ZNF26: variants seen among roughly 807,000 people sequenced by gnomAD.
The protein encoded by ZNF26 is epididymis luminal protein 179.
A neutral mutation model predicts 54.9 loss-of-function variants in ZNF26; 32 were observed. The observed-to-expected ratio is 0.58, with a 90% CI of 0.44 to 0.78. The LOEUF (loss-of-function observed/expected upper bound fraction) is 0.78. ZNF26 is among the 30% of genes least tolerant of loss of function. The probability of loss-of-function intolerance (pLI) is 0.00; values close to 1 mark genes in which losing one functional copy is unlikely to be tolerated. For missense variants in ZNF26, 524 were observed against 634.0 expected, an observed-to-expected ratio of 0.83 and a Z score of 1.86; for synonymous variants, 221 against 209.2, an observed-to-expected ratio of 1.06 and a Z score of -0.49.
chr12:132,997,746 T>C (rs1424703053), intron 1 of ZNF26, among the ~76,000 whole-genome samples: 2 of 152,180 alleles, frequency 1.3e-5, no homozygotes, highest in African/African-American at 2.4e-5. Flanking sequence ...CAATGAGAGA[T>C]ACATAACAAT....
In ZNF26 at chr12:133,010,953, T is replaced by C; in HGVS notation, c.1074T>C (p.Ile358=). 2 of 1,614,158 alleles carry C rather than the reference T, an allele frequency of 1.2e-6. No homozygotes were observed. Among genetic ancestry groups the C allele is most frequent in the East Asian group, 2.2e-5 (1 of 44,882 alleles). Residue 358 remains isoleucine (I), a synonymous_variant, in exon 4 of 4, where the codon ATT becomes ATC. Coordinates refer to ENST00000328654, the MANE Select transcript of ZNF26 (RefSeq NM_019591.4). Reference sequence around the variant, plus strand: ...CCTTCAATATGAAGACACAACTCATTGTACATCAGGGAGTTCACACAGGAA... The same window carrying C: ...CCTTCAATATGAAGACACAACTCATCGTACATCAGGGAGTTCACACAGGAA... ...GKAFNMKTQL[I]VHQGVHTGNN...
In ZNF26 at chr12:133,010,352, A is replaced by T; in HGVS notation, c.473A>T (p.Glu158Val). ...KNPDKFHGYE[E>V]PYFLKHQRAH... ...CCTGATAAGTTTCATGGTTATGAAG[A>T]ACCATATTTTCTTAAGCATCAAAGA... Residue 158 changes from glutamate to valine, a missense_variant, in exon 4 of 4, where the codon GAA becomes GTA. Coordinates refer to ENST00000328654, the MANE Select transcript of ZNF26 (RefSeq NM_019591.4). 6.2e-7 allele frequency: 1 copy of T among 1,613,888 alleles called. No individual in the cohort carries two copies. Among genetic ancestry groups the T allele is most frequent in the Non-Finnish European group, 8.5e-7 (1 of 1,179,954 alleles).
chr12:132,990,848 C>T (rs1485675816), intron 1 of ZNF26, among the ~76,000 whole-genome samples: 1 of 151,922 alleles, frequency 6.6e-6, no homozygotes, highest in Non-Finnish European at 1.5e-5. Flanking sequence ...TATGATGTTC[C>T]TTTATTGTCC....
At chr12:132,992,292 G>A (rs1200383321) in intron 1 of ZNF26, among the ~76,000 whole-genome samples, 8 of 150,514 alleles carry the variant, frequency 5.3e-5, no homozygotes, top group African/African-American at 1.9e-4. Flanking sequence ...ATTTTGCAGG[G>A]TACAGAATTC....
intron 1 of ZNF26, among the ~76,000 whole-genome samples, chr12:132,999,251 T>G (rs1160782362): frequency 5.3e-5 from 8 of 152,322 alleles, no homozygotes; most frequent in South Asian, 2.1e-4. Flanking sequence ...CTCTTAGTTT[T>G]TTTGTTTGTT....
chr12:132,996,918 TTTTC>T (rs1953097830), intron 1 of ZNF26, among the ~76,000 whole-genome samples: 3 of 152,140 alleles, frequency 2.0e-5, no homozygotes, highest in Non-Finnish European at 2.9e-5. Flanking sequence ...TTTTGTTTTG[TTTTC>T]TTAGAAAGAA....
Position 133,011,353 on chromosome 12 carries a change from A to G in ZNF26, c.1474A>G (p.Thr492Ala). Residue 492 changes from threonine (T) to alanine (A), a missense_variant, in exon 4 of 4, where the codon ACT becomes GCT. Thr to Ala is a moderately conservative substitution (Grantham distance 58). Transcript: ENST00000328654. ...ATGCAGTGAATGTGGAAAAGCCTTCACTCAGAAGTCATCTCTCAGTGAACA... is the reference window on the plus strand; with the variant it reads ...ATGCAGTGAATGTGGAAAAGCCTTCGCTCAGAAGTCATCTCTCAGTGAACA... ...FKCSECGKAF[T>A]QKSSLSEHQR... 6.2e-7 allele frequency: 1 copy of G among 1,614,030 alleles called. No homozygotes were observed. The highest frequency in any genetic ancestry group is 1.7e-5 in the Admixed American group (1 of 60,014).
rs945852540 is a variant in ZNF26 at position 132,986,664 on chromosome 12, G to A, written c.-177G>A. 1.6e-6 allele frequency: 1 copy of A among 623,552 alleles called. No homozygotes were observed. The highest frequency in any genetic ancestry group is 2.8e-6 in the Non-Finnish European group (1 of 355,596). The allele number at this position is 623,552 out of a possible 1,614,324, so 38.6% of individuals were successfully genotyped here. A position where few individuals can be genotyped will look rare whatever the true frequency, so the allele number is the denominator to read the frequency against. ...ACCGGGAGGTTGTCTAGTCACGCGCGGTCTGTGTTGGGCGAGAGCTGAGGA... is the reference window on the plus strand; with the variant it reads ...ACCGGGAGGTTGTCTAGTCACGCGCAGTCTGTGTTGGGCGAGAGCTGAGGA... On this transcript the variant is annotated 5_prime_UTR_variant, in exon 1 of 4. Coordinates refer to ENST00000328654, the MANE Select transcript of ZNF26 (RefSeq NM_019591.4).
chr12:133,007,068 T>C lies in ZNF26; in HGVS notation c.60T>C (p.Ser20=). ...CWGLLSFKDI[S]MEFTWDEWQL... is the part of the protein sequence containing the mutation. ...GATTATTGTCATTCAAGGATATATC[T>C]ATGGAGTTCACCTGGGATGAATGGC... Residue 20 remains serine, a synonymous_variant, in exon 2 of 4, where the codon TCT becomes TCC. Transcript: ENST00000328654. The C allele has an allele frequency of 6.8e-6, 11 of 1,614,082 alleles. No homozygotes were observed. In the South Asian group the frequency reaches 1.1e-4, roughly 16 times the overall value.
chr12:132,994,863 C>T (rs1953041888), intron 1 of ZNF26, among the ~76,000 whole-genome samples: 1 of 152,144 alleles, frequency 6.6e-6, no homozygotes, highest in Non-Finnish European at 1.5e-5. Context: ...TGTGGAGGAA[C>T]GTCCTGTGCA....
chr12:133,008,789 A>AAAAAAAG (rs1953399473), intron 3 of ZNF26, among the ~76,000 whole-genome samples: 1 of 150,642 alleles, frequency 6.6e-6, no homozygotes, highest in African/African-American at 2.4e-5. Context: ...AAAAAAAAAA[A>AAAAAAAG]AAAAAAGAAA....
intron 1 of ZNF26, among the ~76,000 whole-genome samples, chr12:132,987,250 C>G (rs977079189): frequency 1.1e-4 from 16 of 152,234 alleles, no homozygotes; most frequent in Non-Finnish European, 2.2e-4. Flanking sequence ...ATGGAGTGTC[C>G]TTTTGTCTGC....
chr12:133,007,342 C>G, intron 2 of ZNF26, 95 bp from the exon 3 acceptor site: 1 of 1,323,890 alleles, frequency 7.6e-7, no homozygotes, highest in Middle Eastern at 1.9e-4. Flanking sequence ...TAATCTTTCC[C>G]CAAGTGAGAT....
chr12:132,996,078 G>A (rs975622666), intron 1 of ZNF26, among the ~76,000 whole-genome samples: 339 of 152,208 alleles, frequency 2.2e-3, no homozygotes, highest in African/African-American at 7.5e-3. Flanking sequence ...CTGTGTCTTC[G>A]GGTTTCTGGA....
At chr12:132,988,825 T>C (rs1952883730) in intron 1 of ZNF26, among the ~76,000 whole-genome samples, 1 of 152,156 alleles carries the variant, frequency 6.6e-6, no homozygotes, top group African/African-American at 2.4e-5. Context: ...TTTTCTCATA[T>C]AGATTTTATA....
intron 1 of ZNF26, among the ~76,000 whole-genome samples, chr12:132,990,365 A>C (rs967812880): frequency 9.9e-5 from 15 of 152,234 alleles, no homozygotes; most frequent in Non-Finnish European, 2.2e-4. Context: ...AACTGATTCA[A>C]GTATTGAACC....
chr12:132,994,153 C>T (rs1269133809), intron 1 of ZNF26, among the ~76,000 whole-genome samples: 1 of 152,180 alleles, frequency 6.6e-6, no homozygotes, highest in Non-Finnish European at 1.5e-5. Context: ...GACTGGGTCC[C>T]CCTGGACTTT....
intron 1 of ZNF26, chr12:133,006,191 C>T (rs1186430525): frequency 1.0e-6 from 1 of 984,884 alleles, no homozygotes; most frequent in African/African-American, 1.7e-5. Context: ...ACTGGGTTGC[C>T]CTGGAAGTGG....
At position 133,011,062 on chromosome 12, in the gene ZNF26, G is replaced by A. The variant is rs1178561357; in HGVS notation, c.1183G>A (p.Glu395Lys). 9 of 1,614,048 alleles carry A rather than the reference G, an allele frequency of 5.6e-6. No individual in the cohort carries two copies. In the Admixed American group the frequency reaches 1.5e-4, roughly 27 times the overall value. The change falls in exon 4 of 4, where the codon GAG becomes AAG. Residue 395 changes from glutamate (E) to lysine (K), a missense_variant. By Grantham distance (56) the Glu-to-Lys change is moderately conservative. Transcript: ENST00000328654. ...LTAHLRAHAG[E>K]KPYGCSECGK... is the part of the protein sequence containing the mutation. ...TGCACATCTGAGAGCTCATGCAGGA[G>A]AGAAGCCCTATGGATGCAGTGAATG...
Sources: gnomAD v4.1 joint callset for allele counts (sites outside exome capture counted in the v4.1 genomes callset) on GRCh38, gnomAD v4.1.1 for gene constraint, MANE v1.5 for transcripts, NCBI Gene and HGNC (gene_info 2026-07-23, HGNC 2026-07-21) for gene names.